RBFOX3: variants seen among roughly 807,000 people sequenced by gnomAD.
RBFOX3 encodes the protein RNA binding fox-1 homolog 3, also known as RNA binding protein fox-1 homolog 3.
In RBFOX3, 17 loss-of-function variants were observed where a neutral mutation model predicts 48.7. The ratio of observed to expected loss-of-function variants is 0.35; its 90% confidence interval spans 0.24 to 0.52. The LOEUF (loss-of-function observed/expected upper bound fraction) is 0.52. Ranked by LOEUF, RBFOX3 falls within the 20% of genes least tolerant of loss-of-function variation. The probability of loss-of-function intolerance (pLI) is 0.94; values close to 1 mark genes in which losing one functional copy is unlikely to be tolerated. For synonymous variants in RBFOX3, 212 were observed against 209.5 expected (o/e 1.01, Z -0.10); for missense variants, 382 against 497.5 (o/e 0.77, Z 2.21).
chr17:79,512,240 G>A (rs376260889), intron 1 of RBFOX3, among the ~76,000 whole-genome samples: 3 of 140,648 alleles, frequency 2.1e-5, no homozygotes, highest in Non-Finnish European at 4.7e-5. Context: ...TGTTACCATC[G>A]AGTACAGTCC....
intron 3 of RBFOX3, among the ~76,000 whole-genome samples, chr17:79,261,151 C>G (rs528876307): frequency 3.3e-5 from 5 of 152,150 alleles, no homozygotes; most frequent in Non-Finnish European, 7.3e-5. Flanking sequence ...TCCTCGAGCC[C>G]CCTACAAACA....
the RBFOX3 span, among the ~76,000 whole-genome samples, chr17:79,641,176 C>T: frequency 6.6e-6 from 1 of 152,094 alleles, no homozygotes; most frequent in Non-Finnish European, 1.5e-5. Context: ...AGAAGTCATA[C>T]AAATGGCCAA....
At chr17:79,123,361 AAAGT>A (rs975976213) in intron 4 of RBFOX3, among the ~76,000 whole-genome samples, 5 of 152,262 alleles carry the variant, frequency 3.3e-5, no homozygotes, top group East Asian at 1.9e-4. Context: ...ACAACAATTA[AAAGT>A]AAGAAAAACG....
chr17:79,345,273 C>T (rs770984384), intron 2 of RBFOX3, among the ~76,000 whole-genome samples: 1 of 152,108 alleles, frequency 6.6e-6, no homozygotes, highest in Non-Finnish European at 1.5e-5. Flanking sequence ...TGTAGTATTC[C>T]CTTATTATCC....
chr17:79,346,124 T>C (rs548541221), intron 2 of RBFOX3, among the ~76,000 whole-genome samples: 27 of 152,282 alleles, frequency 1.8e-4, no homozygotes, highest in African/African-American at 5.5e-4. Context: ...GGTTCCATCA[T>C]GTTGGCCAGG....
At chr17:79,571,575 G>A (rs1279924135) in intron 1 of RBFOX3, among the ~76,000 whole-genome samples, 1 of 143,176 alleles carries the variant, frequency 7.0e-6, no homozygotes, top group Admixed American at 7.5e-5. Context: ...AAATGGAAGT[G>A]TACCAGGATA....
At chr17:79,494,472 G>C (rs2081158538) in intron 1 of RBFOX3, among the ~76,000 whole-genome samples, 1 of 152,252 alleles carries the variant, frequency 6.6e-6, no homozygotes, top group Non-Finnish European at 1.5e-5. Context: ...CACCAACAAA[G>C]CACTTGGGCC....
chr17:79,326,704 C>T (rs1366016674), intron 2 of RBFOX3, among the ~76,000 whole-genome samples: 1 of 152,162 alleles, frequency 6.6e-6, no homozygotes, highest in African/African-American at 2.4e-5. Flanking sequence ...AGCTGCATTA[C>T]TCCCGACATG....
intron 2 of RBFOX3, among the ~76,000 whole-genome samples, chr17:79,336,428 GAA>G (rs34229023): frequency 6.3e-4 from 94 of 150,350 alleles, no homozygotes; most frequent in African/African-American, 2.2e-3. Flanking sequence ...AAAATAAATT[GAA>G]AAAAAAAATA....
intron 2 of RBFOX3, among the ~76,000 whole-genome samples, chr17:79,374,177 C>G (rs1276779897): frequency 6.6e-6 from 1 of 152,206 alleles, no homozygotes; most frequent in African/African-American, 2.4e-5. Context: ...GATGAGTTTT[C>G]TAAGCACCTG....
chr17:79,563,637 T>G (rs2092342025), intron 1 of RBFOX3, among the ~76,000 whole-genome samples: 1 of 152,228 alleles, frequency 6.6e-6, no homozygotes, highest in Admixed American at 6.5e-5. Context: ...GAGATGAGTT[T>G]CCTTTCCATA....
chr17:79,294,258 C>T (rs1329739194), intron 3 of RBFOX3, among the ~76,000 whole-genome samples: 3 of 152,228 alleles, frequency 2.0e-5, no homozygotes, highest in Non-Finnish European at 4.4e-5. Flanking sequence ...ATGGGGCATA[C>T]CTTTCACCCA....
At chr17:79,318,358 G>T (rs1414556772) in intron 2 of RBFOX3, among the ~76,000 whole-genome samples, 1 of 152,146 alleles carries the variant, frequency 6.6e-6, no homozygotes, top group Non-Finnish European at 1.5e-5. Context: ...GGGGGCAGAG[G>T]AGCTGGGGAG....
intron 1 of RBFOX3, among the ~76,000 whole-genome samples, chr17:79,485,241 G>A (rs1324735656): frequency 3.9e-5 from 6 of 152,172 alleles, no homozygotes; most frequent in African/African-American, 1.4e-4. Context: ...AGTCCTGGCA[G>A]GGGAGGCGCC....
intron 2 of RBFOX3, among the ~76,000 whole-genome samples, chr17:79,310,418 G>A (rs970260275): frequency 6.6e-6 from 1 of 152,112 alleles, no homozygotes; most frequent in African/African-American, 2.4e-5. Context: ...TGTGTCCCCA[G>A]AGCAATCTGT....
chr17:79,569,536 A>T (rs1431474677), intron 1 of RBFOX3, among the ~76,000 whole-genome samples: 2 of 152,230 alleles, frequency 1.3e-5, no homozygotes, highest in East Asian at 3.8e-4. Flanking sequence ...TGCAGTGAAC[A>T]TTGGCATACA....
the RBFOX3 span, among the ~76,000 whole-genome samples, chr17:79,654,062 C>G: frequency 2.0e-5 from 3 of 151,442 alleles, no homozygotes; most frequent in Non-Finnish European, 2.9e-5. Flanking sequence ...AGTAGGTTAT[C>G]TAAAGCAAGC....
intron 2 of RBFOX3, among the ~76,000 whole-genome samples, chr17:79,384,133 C>T (rs1427233105): frequency 1.3e-5 from 2 of 152,140 alleles, no homozygotes; most frequent in East Asian, 3.9e-4. Context: ...GGGCTGTGGC[C>T]AGGTCAGGCA....
intron 4 of RBFOX3, among the ~76,000 whole-genome samples, chr17:79,134,568 T>C (rs1409152441): frequency 6.6e-6 from 1 of 152,218 alleles, no homozygotes; most frequent in African/African-American, 2.4e-5. Flanking sequence ...CCTCAAAGTC[T>C]GGACTGCGGA....
Sources: gnomAD v4.1 joint callset for allele counts (sites outside exome capture counted in the v4.1 genomes callset) on GRCh38, gnomAD v4.1.1 for gene constraint, MANE v1.5 for transcripts, NCBI Gene and HGNC (gene_info 2026-07-23, HGNC 2026-07-21) for gene names.